AFF3: variants seen among roughly 807,000 people sequenced by gnomAD.
AFF3 encodes ALF transcription elongation factor 3.
A neutral mutation model predicts 129.7 loss-of-function variants in AFF3; 32 were observed. The observed-to-expected ratio is 0.25, with a 90% confidence interval of 0.19 to 0.33. AFF3 has a LOEUF of 0.33. AFF3 is among the 10% of genes least tolerant of loss of function. The probability of loss-of-function intolerance (pLI) is 1.00; values close to 1 mark genes in which losing one functional copy is unlikely to be tolerated. For synonymous variants in AFF3, 644 were observed against 635.4 expected, an observed-to-expected ratio of 1.01 and a Z score of -0.20; for missense variants, 1,373 against 1,592.0, an observed-to-expected ratio of 0.86 and a Z score of 2.34.
At chr2:99,866,633 G>A (rs1691421896) in intron 7 of AFF3, among the ~76,000 whole-genome samples, 1 of 152,106 alleles carries the variant, frequency 6.6e-6, no homozygotes, top group Non-Finnish European at 1.5e-5. Flanking sequence ...AAGAGTCTGG[G>A]TCACGCTGGG....
chr2:99,554,038 G>T (rs1674680623), intron 24 of AFF3, among the ~76,000 whole-genome samples: 2 of 152,038 alleles, frequency 1.3e-5, no homozygotes, highest in South Asian at 4.1e-4. Flanking sequence ...GAAAAAAATT[G>T]GAAGGAACTT....
chr2:99,739,874 C>T (rs970959573), intron 10 of AFF3, among the ~76,000 whole-genome samples: 21 of 151,828 alleles, frequency 1.4e-4, no homozygotes, highest in Admixed American at 6.6e-4. Context: ...AGGTTAGTTA[C>T]ATATGTATAC....
rs1675299884 is a variant in AFF3, at chr2:99,559,792, G to A, written c.3191+573C>T. On this transcript the variant is annotated intron_variant, in intron 21 of 24. Coordinates refer to ENST00000672756, the MANE Select transcript of AFF3 (RefSeq NM_001386135.1). ...GGTAACAATTTGAGACCTTTTTTGT[G>A]TCTGTTGCTGTTATTATTATTTTTT... 3.3e-5 allele frequency among the ~76,000 whole-genome samples: 5 copies of A among 152,120 alleles called. No homozygotes were observed. The South Asian group carries it at 1.0e-3, about 32-fold the overall frequency.
chr2:100,089,197 T>G (rs1689682776), intron 4 of AFF3, among the ~76,000 whole-genome samples: 1 of 152,016 alleles, frequency 6.6e-6, no homozygotes, highest in African/African-American at 2.4e-5. Flanking sequence ...AACAGTCGAT[T>G]ATCACTCCCT....
chr2:99,635,914 C>T (rs61024527), intron 13 of AFF3, among the ~76,000 whole-genome samples: 8 of 152,202 alleles, frequency 5.3e-5, no homozygotes, highest in South Asian at 4.1e-4. Flanking sequence ...AGGTCACATA[C>T]GCCCCCCACA....
At chr2:99,846,240 C>T (rs886547235) in intron 7 of AFF3, among the ~76,000 whole-genome samples, 1 of 152,144 alleles carries the variant, frequency 6.6e-6, no homozygotes, top group Non-Finnish European at 1.5e-5. Flanking sequence ...AGTGATTCTC[C>T]TGTCCCAGCC....
chr2:99,578,554 A>T (rs1052405130), intron 17 of AFF3, 103 bp from the exon 18 acceptor site: 20 of 1,508,694 alleles, frequency 1.3e-5, no homozygotes, highest in African/African-American at 4.3e-5. Flanking sequence ...TCTACAGAAC[A>T]TCTTTGTGTG....
intron 13 of AFF3, among the ~76,000 whole-genome samples, chr2:99,640,179 G>C (rs1684059772): frequency 1.3e-5 from 2 of 152,138 alleles, no homozygotes; most frequent in African/African-American, 4.8e-5. Flanking sequence ...CTTAGGATTT[G>C]TTGATACTTG....
At chr2:99,724,184 T>A (rs1679149812) in intron 11 of AFF3, among the ~76,000 whole-genome samples, 1 of 151,302 alleles carries the variant, frequency 6.6e-6, no homozygotes, top group Non-Finnish European at 1.5e-5. Flanking sequence ...GTTTGTCTCT[T>A]GAGACCCACA....
At position 99,609,576 on chromosome 2, in the gene AFF3, C is replaced by T. The variant is rs1274117613; in HGVS notation, c.1185-7955G>A. 2.6e-5 allele frequency among the ~76,000 whole-genome samples: 4 copies of T among 152,310 alleles called. No individual in the cohort carries two copies. In the South Asian group the frequency reaches 8.3e-4, roughly 32 times the overall value. On this transcript the variant is annotated intron_variant, in intron 13 of 24. Coordinates refer to ENST00000672756, the MANE Select transcript of AFF3 (RefSeq NM_001386135.1). ...GCCATTAATTCATTCGTTTTCATGA[C>T]TGAATAGTATTCCATGGTATATATA... is the stretch of plus-strand genomic sequence containing the variant.
intron 7 of AFF3, among the ~76,000 whole-genome samples, chr2:99,841,714 T>C (rs1305965866): frequency 4.6e-5 from 7 of 152,168 alleles, no homozygotes; most frequent in Non-Finnish European, 1.5e-5. Context: ...CTTTAACAGA[T>C]GGAGATGCCA....
chr2:99,824,507 C>T (rs759415856), intron 8 of AFF3, among the ~76,000 whole-genome samples: 17 of 152,050 alleles, frequency 1.1e-4, no homozygotes, highest in Non-Finnish European at 1.9e-4. Context: ...AACTTACTAA[C>T]CAAAAACTGC....
intron 7 of AFF3, among the ~76,000 whole-genome samples, chr2:99,873,157 A>G (rs1323770921): frequency 6.6e-6 from 1 of 152,258 alleles, no homozygotes; most frequent in African/African-American, 2.4e-5. Flanking sequence ...ATAGAGTATT[A>G]GAAAGCACAT....
chr2:100,084,253 A>G (rs1366495822), intron 4 of AFF3, among the ~76,000 whole-genome samples: 1 of 152,240 alleles, frequency 6.6e-6, no homozygotes, highest in Admixed American at 6.5e-5. Flanking sequence ...ATTAATAACA[A>G]CTTAAAAAGT....
intron 4 of AFF3, among the ~76,000 whole-genome samples, chr2:100,050,273 C>T (rs982380879): frequency 6.6e-6 from 1 of 152,106 alleles, no homozygotes; most frequent in African/African-American, 2.4e-5. Flanking sequence ...ACAACATTCC[C>T]ATGAAGCACA....
At chr2:99,577,695 A>G (rs1381324114) in intron 18 of AFF3, among the ~76,000 whole-genome samples, 1 of 152,228 alleles carries the variant, frequency 6.6e-6, no homozygotes, top group Admixed American at 6.5e-5. Flanking sequence ...AATTTTCAGC[A>G]TCATTTTATC....
At chr2:100,045,210 G>C (rs1380016251) in intron 4 of AFF3, among the ~76,000 whole-genome samples, 1 of 152,118 alleles carries the variant, frequency 6.6e-6, no homozygotes, top group Non-Finnish European at 1.5e-5. Context: ...GTGGTCAGTG[G>C]TAGAGAAGAC....
chr2:99,848,898 A>G (rs9308830), intron 7 of AFF3, among the ~76,000 whole-genome samples: 238 of 152,314 alleles, frequency 1.6e-3, no homozygotes, highest in African/African-American at 5.5e-3. Context: ...AACTACTTCC[A>G]TTAGGCTAAA....
chr2:99,603,423 G>C (rs1680029090), intron 13 of AFF3, among the ~76,000 whole-genome samples: 1 of 152,172 alleles, frequency 6.6e-6, no homozygotes, highest in South Asian at 2.1e-4. Flanking sequence ...GAACTGGCTA[G>C]CCATATGCAG....
Sources: gnomAD v4.1 joint callset for allele counts (sites outside exome capture counted in the v4.1 genomes callset) on GRCh38, gnomAD v4.1.1 for gene constraint, MANE v1.5 for transcripts, NCBI Gene and HGNC (gene_info 2026-07-23, HGNC 2026-07-21) for gene names.